Variants in MAPRE1 observed in about 807,000 individuals in gnomAD.
The protein encoded by MAPRE1 is microtubule-associated protein RP/EB family member 1.
A neutral mutation model predicts 32.1 loss-of-function variants in MAPRE1; 5 were observed. The observed-to-expected ratio is 0.16, with a 90% CI of 0.08 to 0.33. The LOEUF is 0.33. Ranked by LOEUF, MAPRE1 falls within the 10% of genes least tolerant of loss-of-function variation. The pLI is 1.00. For missense variants in MAPRE1, 209 were observed against 327.2 expected, an observed-to-expected ratio of 0.64 and a Z score of 2.79; for synonymous variants, 122 against 118.9, an observed-to-expected ratio of 1.03 and a Z score of -0.17.
chr20:32,848,482 A>G (rs574360089), intron 6 of MAPRE1, among the ~76,000 whole-genome samples, 190 bp from the exon 7 acceptor site: 19 of 152,340 alleles, frequency 1.2e-4, no homozygotes, highest in South Asian at 6.2e-4. Flanking sequence ...TTGAGGGTAA[A>G]TTTGACTGTG....
intron 3 of MAPRE1, among the ~76,000 whole-genome samples, chr20:32,835,224 C>T (rs148164458): frequency 6.6e-6 from 1 of 152,026 alleles, no homozygotes; most frequent in Non-Finnish European, 1.5e-5. Context: ...GACCCCATCT[C>T]TAAAAAAGAT....
At chr20:32,828,497 G>C (rs569247540) in intron 2 of MAPRE1, among the ~76,000 whole-genome samples, 72 of 152,326 alleles carry the variant, frequency 4.7e-4, no homozygotes, top group African/African-American at 1.5e-3. Context: ...TTGTAGACAG[G>C]ACTGGGCATA....
chr20:32,848,095 A>C (rs1983554185), intron 6 of MAPRE1, among the ~76,000 whole-genome samples: 1 of 151,098 alleles, frequency 6.6e-6, no homozygotes, highest in South Asian at 2.1e-4. Context: ...CCCAGGCTGG[A>C]GTGCCTGGTG....
chr20:32,830,859 G>A (rs917125211), intron 2 of MAPRE1, among the ~76,000 whole-genome samples: 31 of 152,024 alleles, frequency 2.0e-4, no homozygotes, highest in African/African-American at 7.2e-4. Flanking sequence ...AAGTAGCTGG[G>A]ACTACAGGCG....
chr20:32,822,089 G>T (rs1219328933), intron 1 of MAPRE1, among the ~76,000 whole-genome samples: 1 of 152,156 alleles, frequency 6.6e-6, no homozygotes, highest in Admixed American at 6.5e-5. Flanking sequence ...TGTGGAGCAC[G>T]TGGGACCAGG....
chr20:32,823,628 C>T (rs999507428), intron 1 of MAPRE1, among the ~76,000 whole-genome samples: 2 of 152,190 alleles, frequency 1.3e-5, no homozygotes, highest in African/African-American at 4.8e-5. Flanking sequence ...CCTGAAAGTG[C>T]CTGGGTGTGG....
intron 2 of MAPRE1, among the ~76,000 whole-genome samples, chr20:32,826,545 G>GAC (rs1491411821): frequency 8.7e-4 from 9 of 10,392 alleles, no homozygotes; most frequent in Non-Finnish European, 1.1e-3. Flanking sequence ...TTTTTTTTTT[G>GAC]AGATGGGGTC....
At chr20:32,834,547 C>CT (rs200636431) in intron 3 of MAPRE1, among the ~76,000 whole-genome samples, 48 of 146,460 alleles carry the variant, frequency 3.3e-4, no homozygotes, top group Non-Finnish European at 3.5e-4. Context: ...GGGGGGATAA[C>CT]TTTTTTTTTT....
At chr20:32,823,680 G>A (rs150421870) in intron 1 of MAPRE1, among the ~76,000 whole-genome samples, 247 of 152,300 alleles carry the variant, frequency 1.6e-3, no homozygotes, top group South Asian at 5.4e-3. Flanking sequence ...AGGCTGAGGC[G>A]GAGGATTGTT....
At position 32,848,832 on chromosome 20, in the gene MAPRE1, T is replaced by G. The variant is rs1176108055; in HGVS notation, c.*104T>G. 1.0e-5 allele frequency: 10 copies of G among 954,990 alleles called. No homozygotes were observed. Among genetic ancestry groups the G allele is most frequent in the East Asian group, 2.7e-5 (1 of 36,590 alleles). The allele number at this position is 954,990 out of a possible 1,614,324, so 59.2% of individuals were successfully genotyped here. On this transcript the variant is annotated 3_prime_UTR_variant, in exon 7 of 7. Coordinates refer to ENST00000375571, the MANE Select transcript of MAPRE1 (RefSeq NM_012325.3). ...TCCTTAGAGGACTCACTGGTTTCTTTTCATAAGCAAAAAGTACCTCTTCTT... is the reference window on the plus strand; with the variant it reads ...TCCTTAGAGGACTCACTGGTTTCTTGTCATAAGCAAAAAGTACCTCTTCTT...
chr20:32,825,800 A>T, intron 1 of MAPRE1, 125 bp from the exon 2 acceptor site: 2 of 663,202 alleles, frequency 3.0e-6, no homozygotes, highest in Non-Finnish European at 4.6e-6. Flanking sequence ...AAAATAAAAT[A>T]AAATAAAATA....
intron 1 of MAPRE1, among the ~76,000 whole-genome samples, chr20:32,822,451 CTG>C (rs1382005550): frequency 3.9e-5 from 6 of 152,186 alleles, no homozygotes; most frequent in Admixed American, 3.9e-4. Context: ...AATTTGAAGA[CTG>C]TTGCAGTGCA....
In MAPRE1 at chr20:32,829,371, T is replaced by G. The variant is rs146930841; in HGVS notation, c.121+3323T>G. On this transcript the variant is annotated intron_variant, in intron 2 of 6. Transcript: ENST00000375571. ...GCCGTATAAGATGTCTCTTGGAGTATGTAGATGGTTGCATTGTGTTTCACA... is the reference window on the plus strand; with the variant it reads ...GCCGTATAAGATGTCTCTTGGAGTAGGTAGATGGTTGCATTGTGTTTCACA... Among the ~76,000 whole-genome samples the G allele has an allele frequency of 6.4e-4, 97 of 152,332 alleles. 1 individual carries two copies. In the East Asian group the frequency reaches 0.018, roughly 28 times the overall value.
At chr20:32,831,999 A>G (rs1983042703) in intron 2 of MAPRE1, among the ~76,000 whole-genome samples, 2 of 150,628 alleles carry the variant, frequency 1.3e-5, no homozygotes, top group South Asian at 4.2e-4. Context: ...TTGTTGGATG[A>G]GTAAATAAAT....
At chr20:32,842,565 T>G (rs562069760) in intron 5 of MAPRE1, among the ~76,000 whole-genome samples, 1 of 152,360 alleles carries the variant, frequency 6.6e-6, no homozygotes, top group Non-Finnish European at 1.5e-5. Flanking sequence ...CAGTCCCTGC[T>G]GAATGGGGAA....
intron 2 of MAPRE1, among the ~76,000 whole-genome samples, chr20:32,829,261 T>A (rs1485215325): frequency 6.6e-6 from 1 of 152,176 alleles, no homozygotes; most frequent in Non-Finnish European, 1.5e-5. Flanking sequence ...ATAAAGTGCT[T>A]TTTCTCCCTA....
At chr20:32,836,970 A>G (rs1983220424) in intron 4 of MAPRE1, 129 bp downstream of exon 4, 5 of 849,238 alleles carry the variant, frequency 5.9e-6, no homozygotes, top group South Asian at 5.7e-5. Flanking sequence ...GCATGTGGCC[A>G]GAGTATGGAT....
chr20:32,839,837 C>T lies in MAPRE1; in HGVS notation c.578C>T (p.Ala193Val). The change falls in exon 5 of 7, where the codon GCA becomes GTA. Residue 193 changes from alanine (A) to valine (V), a missense_variant. Coordinates refer to ENST00000375571, the MANE Select transcript of MAPRE1 (RefSeq NM_012325.3). ...NPGVGNGDDE[A>V]AELMQQVNVL... ...GGTGTGGGCAACGGAGACGACGAGGCAGCTGAGTTGATGCAGCAGGTGGGC... is the reference window on the plus strand; with the variant it reads ...GGTGTGGGCAACGGAGACGACGAGGTAGCTGAGTTGATGCAGCAGGTGGGC... 1.2e-6 allele frequency: 2 copies of T among 1,614,168 alleles called. No individual in the cohort carries two copies. Among genetic ancestry groups the T allele is most frequent in the Non-Finnish European group, 1.7e-6 (2 of 1,180,010 alleles).
Position 32,836,883 on chromosome 20 carries a change from C to CA in MAPRE1, c.475+43dup, listed in dbSNP as rs149671163. On this transcript the variant is annotated intron_variant, in intron 4 of 6. Coordinates refer to ENST00000375571, the MANE Select transcript of MAPRE1 (RefSeq NM_012325.3). ...AAAACGTTTCCAAAAAATAGCGTTC[C>CA]AGATATTCATTCAGCGTTCAACTAG... 1,369 of 1,534,536 alleles carry CA rather than the reference C, an allele frequency of 8.9e-4. 11 individuals carry two copies. The African/African-American group carries it at 0.017, about 19-fold the overall frequency.
Sources: allele counts gnomAD v4.1 joint callset (sites outside exome capture counted in the v4.1 genomes callset), GRCh38; gene constraint gnomAD v4.1.1; transcripts MANE v1.5; gene names NCBI Gene and HGNC (gene_info 2026-07-23, HGNC 2026-07-21).